The following CHCT1 variants were observed in gnomAD, a reference collection of about 807,000 sequenced individuals.
CHCT1 encodes the protein CHD1 helical C-terminal domain containing 1, also known as CHD1 helical C-terminal domain containing protein 1.
the CHCT1 span, chr17:60,431,289 C>T: frequency 6.5e-7 from 1 of 1,540,736 alleles, no homozygotes; most frequent in Non-Finnish European, 8.9e-7. Context: ...GGACAAAGGG[C>T]CCGCTTGTCC....
the CHCT1 span, chr17:60,429,283 A>C: frequency 6.9e-7 from 1 of 1,452,470 alleles, no homozygotes. Flanking sequence ...AGCATTTCTC[A>C]ACAAATGCGG....
At chr17:60,429,699 T>A in the CHCT1 span, 1 of 699,336 alleles carries the variant, frequency 1.4e-6, no homozygotes, top group Non-Finnish European at 2.2e-6. Context: ...TTCCATCTTC[T>A]CTTCATCCCG....
At chr17:60,429,596 G>A in the CHCT1 span, 1 of 1,590,416 alleles carries the variant, frequency 6.3e-7, no homozygotes, top group African/African-American at 1.3e-5. Flanking sequence ...CCTGGACCCA[G>A]GAGTTTGTGA....
chr17:60,426,042 A>C, the CHCT1 span: 1 of 1,304,490 alleles, frequency 7.7e-7, no homozygotes, highest in Non-Finnish European at 1.1e-6. Context: ...CCACCTCCCG[A>C]AACACGCAGC....
the CHCT1 span, chr17:60,425,940 C>T: frequency 1.1e-5 from 16 of 1,453,078 alleles, no homozygotes; most frequent in South Asian, 1.6e-4. Flanking sequence ...GTCAGGAGGC[C>T]TGAGTCAGGA....
At chr17:60,424,249 G>A in the CHCT1 span, among the ~76,000 whole-genome samples, 26 of 152,192 alleles carry the variant, frequency 1.7e-4, no homozygotes, top group African/African-American at 6.0e-4. Flanking sequence ...GATTTAGAGG[G>A]GACACACATT....
the CHCT1 span, among the ~76,000 whole-genome samples, chr17:60,430,172 T>C: frequency 4.3e-5 from 6 of 140,274 alleles, no homozygotes; most frequent in Non-Finnish European, 9.0e-5. Context: ...GTTGAAAAGA[T>C]GAGGCTATTA....
the CHCT1 span, chr17:60,425,811 G>A: frequency 3.9e-6 from 6 of 1,551,528 alleles, no homozygotes; most frequent in Non-Finnish European, 5.2e-6. Flanking sequence ...CTGGAGACAA[G>A]CTCCAGCGCC....
chr17:60,427,089 T>C, the CHCT1 span, among the ~76,000 whole-genome samples: 1 of 152,138 alleles, frequency 6.6e-6, no homozygotes, highest in Non-Finnish European at 1.5e-5. Context: ...AATTTAAGGG[T>C]GAGCTGGTGG....
At chr17:60,421,940 G>T in the CHCT1 span, 1 of 985,360 alleles carries the variant, frequency 1.0e-6, no homozygotes, top group Non-Finnish European at 1.2e-6. Context: ...GGAAGGCCGC[G>T]GGGAGGGTTA....
the CHCT1 span, chr17:60,421,392 C>G: frequency 1.0e-6 from 1 of 985,636 alleles, no homozygotes; most frequent in Middle Eastern, 5.2e-4. Context: ...CTATGCCCCT[C>G]TCCTGTGCCC....
At chr17:60,427,573 G>A in the CHCT1 span, among the ~76,000 whole-genome samples, 1 of 151,972 alleles carries the variant, frequency 6.6e-6, no homozygotes, top group Non-Finnish European at 1.5e-5. Flanking sequence ...GCACACCACT[G>A]TGCCTAATTT....
At chr17:60,430,122 CTTTTTT>C in the CHCT1 span, among the ~76,000 whole-genome samples, 2,747 of 64,220 alleles carry the variant, frequency 0.043, 116 homozygotes, top group African/African-American at 0.092. Flanking sequence ...ACGCACCTGG[CTTTTTT>C]TTTTTTTTTT....
chr17:60,431,269 A>G, the CHCT1 span: 3 of 1,596,474 alleles, frequency 1.9e-6, no homozygotes, highest in Non-Finnish European at 2.6e-6. Flanking sequence ...AACCGTAAGA[A>G]GACCAACTGG....
the CHCT1 span, chr17:60,421,829 G>A: frequency 1.0e-6 from 1 of 984,208 alleles, no homozygotes; most frequent in Middle Eastern, 5.2e-4. Flanking sequence ...GCCGACACCC[G>A]GCTCCCCGCC....
chr17:60,421,249 C>A, the CHCT1 span: 1 of 633,428 alleles, frequency 1.6e-6, no homozygotes, highest in Non-Finnish European at 2.0e-6. Context: ...CCCCTTACAA[C>A]AACAACAACG....
chr17:60,426,275 G>A, the CHCT1 span: 4 of 1,552,018 alleles, frequency 2.6e-6, no homozygotes, highest in South Asian at 4.8e-5. Context: ...GGTCCTAGGG[G>A]ACCACATCAA....
the CHCT1 span, among the ~76,000 whole-genome samples, chr17:60,427,739 T>C: frequency 2.0e-5 from 3 of 152,208 alleles, no homozygotes; most frequent in Admixed American, 6.5e-5. Context: ...GTATGGGCTA[T>C]AGGTTTTGCC....
chr17:60,430,192 A>C, the CHCT1 span, among the ~76,000 whole-genome samples: 527 of 140,780 alleles, frequency 3.7e-3, 12 homozygotes, highest in Admixed American at 0.037. Flanking sequence ...ATTCAGCAGA[A>C]TGTTCTCCTT....
Sources: allele counts gnomAD v4.1 joint callset (sites outside exome capture counted in the v4.1 genomes callset), GRCh38; gene constraint gnomAD v4.1.1; transcripts MANE v1.5; gene names NCBI Gene and HGNC (gene_info 2026-07-23, HGNC 2026-07-21).